Variants in FAM167A observed in about 807,000 individuals in gnomAD.
FAM167A encodes protein FAM167A.
FAM167A carries 23 observed loss-of-function variants against 14.9 expected under a neutral mutation model. The ratio of observed to expected loss-of-function variants is 1.55; its 90% CI spans 1.11 to 2.19. The LOEUF (loss-of-function observed/expected upper bound fraction) is 2.19. Ranked by LOEUF, FAM167A falls within the 30% of genes most tolerant of loss-of-function variation. FAM167A has a pLI of 0.00. For synonymous variants in FAM167A, 174 were observed against 117.7 expected, an observed-to-expected ratio of 1.48 and a Z score of -3.10; for missense variants, 401 against 281.5, an observed-to-expected ratio of 1.42 and a Z score of -3.04.
At chr8:11,455,867 TGTGA>T (rs1286670883) in intron 1 of FAM167A, among the ~76,000 whole-genome samples, 2 of 83,692 alleles carry the variant, frequency 2.4e-5, no homozygotes, top group African/African-American at 4.9e-5. Context: ...TGGGTATGAG[TGTGA>T]GTGTGGGGTG....
chr8:11,466,394 C>A (rs540918529), intron 1 of FAM167A, among the ~76,000 whole-genome samples: 1 of 152,236 alleles, frequency 6.6e-6, no homozygotes, highest in Non-Finnish European at 1.5e-5. Flanking sequence ...AAGTCCAGCC[C>A]TGGCTGCCCG....
intron 2 of FAM167A, among the ~76,000 whole-genome samples, chr8:11,429,128 C>G (rs1354466488): frequency 2.6e-5 from 4 of 152,168 alleles, no homozygotes; most frequent in Admixed American, 2.6e-4. Context: ...TCCCCATCCC[C>G]CTCCTCCAGC....
At chr8:11,469,693 C>G (rs1730185859), upstream of FAM167A, among the ~76,000 whole-genome samples, 1 of 147,092 alleles carries the variant, frequency 6.8e-6, no homozygotes, top group Non-Finnish European at 1.5e-5. Context: ...ATGGTGAGAC[C>G]CCACTTCTAC....
At chr8:11,475,636 C>G (rs1797852832) in intron 1 of FAM167A, among the ~76,000 whole-genome samples, 2 of 152,290 alleles carry the variant, frequency 1.3e-5, no homozygotes, top group South Asian at 2.1e-4. Context: ...AAAACCCACC[C>G]CACACAAGCA....
intron 1 of FAM167A, among the ~76,000 whole-genome samples, chr8:11,459,196 G>C (rs1231753688): frequency 2.0e-5 from 3 of 152,154 alleles, no homozygotes; most frequent in African/African-American, 4.8e-5. Context: ...TTTAGCCCTT[G>C]AAATGACCCT....
At chr8:11,448,194 A>T (rs1026668695) in intron 1 of FAM167A, among the ~76,000 whole-genome samples, 1,297 of 36,644 alleles carry the variant, frequency 0.035, 23 homozygotes, top group South Asian at 0.062. Flanking sequence ...ACTCTGTCTT[A>T]AAAAAAAAAA....
intron 1 of FAM167A, chr8:11,445,135 T>G (rs1049682000): frequency 3.6e-5 from 35 of 985,108 alleles, no homozygotes; most frequent in Middle Eastern, 1.0e-3. Context: ...TCCTAGAAGT[T>G]AAATGACTCA....
intron 1 of FAM167A, among the ~76,000 whole-genome samples, chr8:11,457,289 T>A (rs1271272773): frequency 3.9e-5 from 6 of 151,920 alleles, no homozygotes; most frequent in African/African-American, 1.5e-4. Flanking sequence ...AAGCCTCCTG[T>A]TTGCTGCCGG....
At chr8:11,456,798 A>AGTGAGTGGGGCTGGGTTAGGGAC (rs1807332198) in intron 1 of FAM167A, among the ~76,000 whole-genome samples, 1 of 126,306 alleles carries the variant, frequency 7.9e-6, no homozygotes, top group African/African-American at 3.1e-5. Context: ...GGCTAAGGGA[A>AGTGAGTGGGGCTGGGTTAGGGAC]GTGAGTGGGG....
At chr8:11,449,675 G>C (rs190377421) in intron 1 of FAM167A, among the ~76,000 whole-genome samples, 1 of 152,206 alleles carries the variant, frequency 6.6e-6, no homozygotes, top group Non-Finnish European at 1.5e-5. Context: ...GCAGCAGTGG[G>C]GACAAGCCCT....
intron 2 of FAM167A, among the ~76,000 whole-genome samples, chr8:11,429,097 C>G (rs1034039179): frequency 8.5e-5 from 13 of 152,108 alleles, no homozygotes; most frequent in Non-Finnish European, 1.2e-4. Flanking sequence ...TAAACAGAAA[C>G]TGCATCCATC....
intron 2 of FAM167A, among the ~76,000 whole-genome samples, chr8:11,432,836 G>C (rs1164566679): frequency 6.6e-6 from 1 of 152,162 alleles, no homozygotes; most frequent in Non-Finnish European, 1.5e-5. Context: ...ATGATAGACT[G>C]GATTAAGAAA....
chr8:11,436,990 A>T (rs1437135542), intron 2 of FAM167A, among the ~76,000 whole-genome samples: 1 of 152,166 alleles, frequency 6.6e-6, no homozygotes, highest in Non-Finnish European at 1.5e-5. Context: ...CTCCAAAGGG[A>T]AGTGAGGCAA....
At chr8:11,443,230 G>A (rs1217997020) in intron 2 of FAM167A, among the ~76,000 whole-genome samples, 2 of 152,208 alleles carry the variant, frequency 1.3e-5, no homozygotes, top group Non-Finnish European at 2.9e-5. Flanking sequence ...CCCTGGGGGG[G>A]TGGAAGGGGA....
At chr8:11,471,527 C>A (rs1370723124), upstream of FAM167A, among the ~76,000 whole-genome samples, 5 of 152,108 alleles carry the variant, frequency 3.3e-5, no homozygotes, top group African/African-American at 1.2e-4. Flanking sequence ...TCAGGCAGAC[C>A]CGGGTTGCAT....
At chr8:11,464,516 C>T (rs1458980604) in intron 1 of FAM167A, among the ~76,000 whole-genome samples, 2 of 152,196 alleles carry the variant, frequency 1.3e-5, no homozygotes, top group Non-Finnish European at 2.9e-5. Context: ...CTGTGCTTTT[C>T]CTTCCTGTCT....
chr8:11,436,084 C>G (rs1386535984), intron 2 of FAM167A, among the ~76,000 whole-genome samples: 1 of 152,220 alleles, frequency 6.6e-6, no homozygotes, highest in Non-Finnish European at 1.5e-5. Context: ...ACTGAGCGCT[C>G]CCTTATCGCT....
upstream of FAM167A, among the ~76,000 whole-genome samples, chr8:11,471,000 G>T (rs537725446): frequency 1.2e-4 from 18 of 152,200 alleles, no homozygotes; most frequent in Non-Finnish European, 2.2e-4. Flanking sequence ...ATTTAGGGGC[G>T]GCTGGCTCTG....
chr8:11,455,914 G>C (rs1336643954), intron 1 of FAM167A, among the ~76,000 whole-genome samples: 1 of 135,264 alleles, frequency 7.4e-6, no homozygotes. Flanking sequence ...TGAGTGTGAG[G>C]GGTGGTTGCC....
Sources: allele counts gnomAD v4.1 joint callset (sites outside exome capture counted in the v4.1 genomes callset), GRCh38; gene constraint gnomAD v4.1.1; transcripts MANE v1.5; gene names NCBI Gene and HGNC (gene_info 2026-07-23, HGNC 2026-07-21).